The following FOXP1 variants were observed in gnomAD, a reference collection of about 807,000 sequenced individuals.
FOXP1 encodes forkhead box P1, also known as forkhead box protein P1.
A neutral mutation model predicts 98.2 loss-of-function variants in FOXP1; 15 were observed. The observed-to-expected ratio is 0.15, with a 90% CI of 0.10 to 0.24. The LOEUF is 0.24. Ranked by LOEUF, FOXP1 falls within the 10% of genes least tolerant of loss-of-function variation. The pLI, the probability that FOXP1 is intolerant of heterozygous loss-of-function variation, is 1.00. For synonymous variants in FOXP1, 371 were observed against 314.5 expected (o/e 1.18, Z -1.90); for missense variants, 633 against 848.5 (o/e 0.75, Z 3.15).
chr3:71,530,078 T>C (rs1019641236), intron 2 of FOXP1, among the ~76,000 whole-genome samples: 9 of 152,090 alleles, frequency 5.9e-5, no homozygotes, highest in Non-Finnish European at 1.2e-4. Context: ...CAGAACTGAA[T>C]TGAATGACAG....
chr3:71,217,706 C>CAGGGA (rs1044165993), intron 5 of FOXP1, among the ~76,000 whole-genome samples: 3 of 152,014 alleles, frequency 2.0e-5, no homozygotes, highest in African/African-American at 7.3e-5. Flanking sequence ...TAGCAGAGAG[C>CAGGGA]AGGGAAGGGC....
At chr3:71,266,557 C>T (rs2069686432) in intron 5 of FOXP1, among the ~76,000 whole-genome samples, 1 of 152,096 alleles carries the variant, frequency 6.6e-6, no homozygotes, top group Non-Finnish European at 1.5e-5. Flanking sequence ...TGGCCCCCAA[C>T]TTTTGCTTAT....
chr3:71,232,877 CAAAAAAAA>C (rs59404230), intron 5 of FOXP1, among the ~76,000 whole-genome samples: 11 of 31,422 alleles, frequency 3.5e-4, no homozygotes, highest in African/African-American at 1.2e-3. Flanking sequence ...AACTCTGTCT[CAAAAAAAA>C]AAAAAAAAAA....
chr3:71,467,187 A>G (rs1352826417), intron 3 of FOXP1, among the ~76,000 whole-genome samples: 2 of 152,228 alleles, frequency 1.3e-5, no homozygotes, highest in East Asian at 3.8e-4. Context: ...ACATGCATAC[A>G]TACTTATGCC....
At chr3:71,051,059 T>C (rs745891360) in intron 9 of FOXP1, among the ~76,000 whole-genome samples, 12 of 152,192 alleles carry the variant, frequency 7.9e-5, no homozygotes, top group Non-Finnish European at 1.8e-4. Context: ...CGCATTGAAC[T>C]GCCACTGATG....
At chr3:71,292,820 G>A (rs555186454) in intron 5 of FOXP1, among the ~76,000 whole-genome samples, 25 of 152,076 alleles carry the variant, frequency 1.6e-4, no homozygotes, top group South Asian at 4.2e-4. Context: ...TTTTCTTCCC[G>A]ACCCCATGCA....
chr3:71,423,607 A>C (rs935164998), intron 3 of FOXP1, among the ~76,000 whole-genome samples: 2 of 152,250 alleles, frequency 1.3e-5, no homozygotes, highest in African/African-American at 4.8e-5. Context: ...GACCTGACAA[A>C]GAATCATAGG....
intron 8 of FOXP1, 67 bp downstream of exon 8, chr3:71,053,569 C>G (rs897402845): frequency 1.3e-6 from 2 of 1,598,240 alleles, no homozygotes; most frequent in Non-Finnish European, 8.6e-7. Context: ...GGGGAGATTG[C>G]GAATGGAGTG....
intron 5 of FOXP1, among the ~76,000 whole-genome samples, chr3:71,257,732 A>G (rs570858724): frequency 3.3e-5 from 5 of 152,330 alleles, no homozygotes; most frequent in Admixed American, 6.5e-5. Context: ...TCCAGGGGCC[A>G]CAGCAAATCA....
intron 3 of FOXP1, among the ~76,000 whole-genome samples, chr3:71,432,961 A>T (rs184839616): frequency 0.014 from 2,193 of 151,878 alleles, 63 homozygotes; most frequent in African/African-American, 0.049. Flanking sequence ...AGACAAAATA[A>T]TTTGAATGAT....
intron 4 of FOXP1, among the ~76,000 whole-genome samples, chr3:71,340,442 A>G (rs2076946843): frequency 6.6e-6 from 1 of 152,232 alleles, no homozygotes; most frequent in African/African-American, 2.4e-5. Context: ...TTTCTGTATG[A>G]CAGATGCACC....
intron 5 of FOXP1, among the ~76,000 whole-genome samples, chr3:71,257,577 C>T (rs1169728555): frequency 7.3e-6 from 1 of 137,066 alleles, no homozygotes; most frequent in Admixed American, 7.3e-5. Context: ...AAGAGTAAAA[C>T]TCCATCTCAA....
intron 5 of FOXP1, among the ~76,000 whole-genome samples, chr3:71,276,585 A>T (rs1336176913): frequency 1.3e-5 from 2 of 152,158 alleles, no homozygotes; most frequent in Non-Finnish European, 2.9e-5. Context: ...GCCTAATTTT[A>T]ACCCCTAAGT....
intron 5 of FOXP1, among the ~76,000 whole-genome samples, chr3:71,262,274 A>G (rs1243040821): frequency 1.1e-4 from 14 of 133,144 alleles, no homozygotes; most frequent in African/African-American, 4.0e-4. Flanking sequence ...CAAAAAAAAA[A>G]AAAAAAAAAA....
chr3:71,576,732 G>A (rs1467970667), intron 2 of FOXP1, among the ~76,000 whole-genome samples: 4 of 152,102 alleles, frequency 2.6e-5, no homozygotes, highest in African/African-American at 4.8e-5. Flanking sequence ...CAACTGAATT[G>A]TAAATTTCAT....
chr3:71,260,267 G>A (rs1027912829), intron 5 of FOXP1, among the ~76,000 whole-genome samples: 4 of 152,176 alleles, frequency 2.6e-5, no homozygotes, highest in Non-Finnish European at 4.4e-5. Context: ...ACAGGCGTGA[G>A]CCACCGCGCC....
In FOXP1 at chr3:70,961,034, A is replaced by G. The variant is rs989112554; in HGVS notation, c.1890-1643T>C. On this transcript the variant is annotated intron_variant, in intron 20 of 20. Transcript: ENST00000649528. ...AATTTTTTTGTATTTTTAGTAGAGAAGAGGTTTCACCGTGGTCTCGATCTC... is the reference window on the plus strand; with the variant it reads ...AATTTTTTTGTATTTTTAGTAGAGAGGAGGTTTCACCGTGGTCTCGATCTC... Among the ~76,000 whole-genome samples, 3 of 151,838 alleles carry G rather than the reference A, an allele frequency of 2.0e-5. No homozygotes were observed. In the East Asian group the frequency reaches 5.8e-4, roughly 29 times the overall value.
chr3:71,099,343 C>T (rs1259505761), intron 7 of FOXP1, among the ~76,000 whole-genome samples: 1 of 151,924 alleles, frequency 6.6e-6, no homozygotes, highest in Non-Finnish European at 1.5e-5. Context: ...AAACCTCGTC[C>T]CTACTAAAAA....
intron 4 of FOXP1, among the ~76,000 whole-genome samples, chr3:71,354,036 G>A (rs1254033773): frequency 3.3e-5 from 5 of 151,986 alleles, no homozygotes; most frequent in Non-Finnish European, 5.9e-5. Context: ...GCTGGGCGCG[G>A]TGGTTCACGC....
Sources: gnomAD v4.1 joint callset for allele counts (sites outside exome capture counted in the v4.1 genomes callset) on GRCh38, gnomAD v4.1.1 for gene constraint, MANE v1.5 for transcripts, NCBI Gene and HGNC (gene_info 2026-07-23, HGNC 2026-07-21) for gene names.